GABRB1: variants seen among roughly 807,000 people sequenced by gnomAD.
GABRB1 encodes gamma-aminobutyric acid receptor subunit beta-1.
GABRB1 carries 17 observed loss-of-function variants against 51.6 expected under a neutral mutation model. The observed-to-expected ratio is 0.33, with a 90% CI of 0.23 to 0.49. The LOEUF (loss-of-function observed/expected upper bound fraction) is 0.49, where lower values mean the gene tolerates loss of function less well. GABRB1 is among the 20% of genes least tolerant of loss of function. The pLI is 0.99. For synonymous variants in GABRB1, 247 were observed against 218.9 expected (o/e 1.13, Z -1.14); for missense variants, 410 against 600.6 (o/e 0.68, Z 3.32).
At chr4:47,037,581 C>T (rs1417360150) in intron 3 of GABRB1, among the ~76,000 whole-genome samples, 1 of 148,078 alleles carries the variant, frequency 6.8e-6, no homozygotes, top group East Asian at 2.0e-4. Context: ...CTCTAAGCCA[C>T]ATTAAAGCAA....
At chr4:47,131,941 TC>T (rs1716435079) in intron 3 of GABRB1, among the ~76,000 whole-genome samples, 1 of 152,350 alleles carries the variant, frequency 6.6e-6, no homozygotes, top group Middle Eastern at 3.4e-3. Context: ...ATGTATTTTT[TC>T]CTTTATAATT....
intron 4 of GABRB1, among the ~76,000 whole-genome samples, chr4:47,263,592 G>A (rs1164048502): frequency 6.6e-6 from 1 of 152,056 alleles, no homozygotes; most frequent in Admixed American, 6.6e-5. Context: ...GTCAATCTCT[G>A]CCCACTCTTT....
intron 4 of GABRB1, among the ~76,000 whole-genome samples, chr4:47,250,956 G>T (rs1296720933): frequency 1.3e-5 from 2 of 151,946 alleles, no homozygotes; most frequent in Non-Finnish European, 2.9e-5. Context: ...GGTAAATCAG[G>T]TATTTCTTGG....
chr4:47,252,096 C>T (rs1011367781), intron 4 of GABRB1, among the ~76,000 whole-genome samples: 2 of 128,168 alleles, frequency 1.6e-5, no homozygotes, highest in African/African-American at 2.9e-5. Context: ...CACCCCGCTG[C>T]CCCCCCTCCT....
chr4:47,024,565 T>A (rs1032800586), intron 1 of GABRB1, among the ~76,000 whole-genome samples: 2 of 151,946 alleles, frequency 1.3e-5, no homozygotes, highest in African/African-American at 4.8e-5. Flanking sequence ...AGGATAGTTT[T>A]ATTTTTAAAA....
intron 1 of GABRB1, among the ~76,000 whole-genome samples, chr4:47,002,030 C>A (rs747335957): frequency 2.6e-5 from 4 of 152,100 alleles, no homozygotes; most frequent in African/African-American, 9.7e-5. Flanking sequence ...ATATGTGAAC[C>A]ATTATAAATG....
intron 5 of GABRB1, among the ~76,000 whole-genome samples, chr4:47,357,997 T>C (rs959043032): frequency 6.6e-6 from 1 of 152,168 alleles, no homozygotes; most frequent in Admixed American, 6.6e-5. Flanking sequence ...TGCTAAATGC[T>C]TCAGAAACAC....
At chr4:47,294,341 C>T (rs955176320) in intron 4 of GABRB1, among the ~76,000 whole-genome samples, 2 of 152,180 alleles carry the variant, frequency 1.3e-5, no homozygotes, top group Non-Finnish European at 2.9e-5. Flanking sequence ...TCAGGGAGTT[C>T]CCTTTCCTAG....
At chr4:47,252,346 T>C (rs1179839188) in intron 4 of GABRB1, among the ~76,000 whole-genome samples, 3 of 151,986 alleles carry the variant, frequency 2.0e-5, no homozygotes, top group African/African-American at 2.4e-5. Flanking sequence ...ACTTCCACAG[T>C]TGGGGCACTC....
At chr4:47,212,214 C>T (rs1720385853) in intron 4 of GABRB1, among the ~76,000 whole-genome samples, 1 of 152,224 alleles carries the variant, frequency 6.6e-6, no homozygotes, top group African/African-American at 2.4e-5. Flanking sequence ...AAAATAAGTA[C>T]TCTGTCCTCA....
At chr4:47,334,840 T>C (rs550482835) in intron 5 of GABRB1, among the ~76,000 whole-genome samples, 1 of 152,324 alleles carries the variant, frequency 6.6e-6, no homozygotes, top group South Asian at 2.1e-4. Context: ...TTCAAGGTCA[T>C]AATTGTGGGC....
At chr4:47,043,642 T>A (rs1170152731) in intron 3 of GABRB1, among the ~76,000 whole-genome samples, 1 of 152,066 alleles carries the variant, frequency 6.6e-6, no homozygotes, top group Admixed American at 6.6e-5. Context: ...AATAAAGCAA[T>A]TGCCTTTATT....
chr4:47,416,525 A>T (rs964101843), intron 8 of GABRB1, among the ~76,000 whole-genome samples: 1 of 150,014 alleles, frequency 6.7e-6, no homozygotes, highest in African/African-American at 2.5e-5. Flanking sequence ...ATCGTGGCTC[A>T]CTGCAACCTC....
At chr4:47,198,661 A>T (rs1023427348) in intron 4 of GABRB1, among the ~76,000 whole-genome samples, 1 of 152,198 alleles carries the variant, frequency 6.6e-6, no homozygotes, top group African/African-American at 2.4e-5. Context: ...TGTATTCTAC[A>T]GTTAGGAGGA....
intron 3 of GABRB1, among the ~76,000 whole-genome samples, chr4:47,038,365 C>A (rs766446415): frequency 6.6e-6 from 1 of 152,160 alleles, no homozygotes; most frequent in African/African-American, 2.4e-5. Context: ...AAGCAATGAT[C>A]TTCAAAATGA....
intron 5 of GABRB1, among the ~76,000 whole-genome samples, chr4:47,392,087 G>A (rs1168532658): frequency 1.3e-5 from 2 of 148,906 alleles, no homozygotes; most frequent in African/African-American, 2.6e-5. Context: ...GATTGGAAGG[G>A]CTAAAAAAAA....
chr4:47,111,797 C>A (rs976187228), intron 3 of GABRB1, among the ~76,000 whole-genome samples: 1 of 151,884 alleles, frequency 6.6e-6, no homozygotes, highest in Non-Finnish European at 1.5e-5. Context: ...CCCAGGAGAT[C>A]GAGGCTGAAG....
Position 47,221,566 on chromosome 4 carries a change from C to T in GABRB1, c.461+60097C>T, listed in dbSNP as rs192986861. ...ATAGGCATACTGCTCTAAAACTATACTAGATGGGAATTGATATATAACTAA... is the reference window on the plus strand; with the variant it reads ...ATAGGCATACTGCTCTAAAACTATATTAGATGGGAATTGATATATAACTAA... On this transcript the variant is annotated intron_variant, in intron 4 of 8. Transcript: ENST00000295454. Among the ~76,000 whole-genome samples the T allele has an allele frequency of 1.1e-4, 17 of 151,944 alleles. No individual in the cohort carries two copies. The East Asian group carries it at 3.3e-3, about 29-fold the overall frequency.
intron 3 of GABRB1, among the ~76,000 whole-genome samples, chr4:47,158,186 G>A (rs1717783253): frequency 6.6e-6 from 1 of 151,906 alleles, no homozygotes; most frequent in African/African-American, 2.4e-5. Flanking sequence ...TTTCCTTTCT[G>A]TTCTCCACTT....
Sources: allele counts gnomAD v4.1 joint callset (sites outside exome capture counted in the v4.1 genomes callset), GRCh38; gene constraint gnomAD v4.1.1; transcripts MANE v1.5; gene names NCBI Gene and HGNC (gene_info 2026-07-23, HGNC 2026-07-21).